The following KRIT1 variants were observed in gnomAD, a reference collection of about 807,000 sequenced individuals.
The protein encoded by KRIT1 is KRIT1 ankyrin repeat containing.
In KRIT1, 45 loss-of-function variants were observed where a neutral mutation model predicts 95.8. The ratio of observed to expected loss-of-function variants is 0.47; its 90% CI spans 0.37 to 0.60. The LOEUF (loss-of-function observed/expected upper bound fraction) is 0.60. Among genes scored for constraint, KRIT1 ranks in the 20% least tolerant of loss-of-function variants. The pLI is 0.00. For synonymous variants in KRIT1, 282 were observed against 278.8 expected (o/e 1.01, Z -0.11); for missense variants, 788 against 877.5 (o/e 0.90, Z 1.29).
At chr7:92,241,180 G>A in intron 4 of KRIT1, 28 bp from the exon 5 acceptor site, 1 of 1,542,546 alleles carries the variant, frequency 6.5e-7, no homozygotes. Flanking sequence ...TTAAGAGAAA[G>A]CTTAAAATAA....
At chr7:92,221,064 C>T (rs1000131072) in intron 14 of KRIT1, among the ~76,000 whole-genome samples, 2 of 152,210 alleles carry the variant, frequency 1.3e-5, no homozygotes, top group African/African-American at 4.8e-5. Flanking sequence ...ATATACTTGT[C>T]TAGACAGACT....
In KRIT1 at chr7:92,237,654, A is replaced by T. The variant is rs747276987; in HGVS notation, c.355+13T>A. The T allele has an allele frequency of 5.4e-6, 8 of 1,487,208 alleles. No homozygotes were observed. The highest frequency in any genetic ancestry group is 1.7e-4 in the Middle Eastern group (1 of 5,820). 92.1% of individuals were successfully genotyped at this position (1,487,208 alleles called of 1,614,324 possible). A position where few individuals can be genotyped will look rare whatever the true frequency, so the allele number is the denominator to read the frequency against. On this transcript the variant is annotated intron_variant, in intron 6 of 18. Coordinates refer to ENST00000394505, the MANE Select transcript of KRIT1 (RefSeq NM_194454.3). ...AAGTATATAAAGATTTGTAAGATAC[A>T]TTTAGACTTTACCTTTGACAACTGA...
At chr7:92,217,636 A>C (rs1048030030) in intron 14 of KRIT1, among the ~76,000 whole-genome samples, 1 of 152,212 alleles carries the variant, frequency 6.6e-6, no homozygotes, top group African/African-American at 2.4e-5. Flanking sequence ...CTACTTGTAT[A>C]TATAGATCAC....
chr7:92,221,810 A>G, intron 14 of KRIT1, 92 bp downstream of exon 14: 1 of 1,025,846 alleles, frequency 9.7e-7, no homozygotes, highest in African/African-American at 1.6e-5. Flanking sequence ...CGATTTAAGG[A>G]TGTAAGCACA....
chr7:92,202,210 C>T (rs1403340526), intron 17 of KRIT1: 3 of 152,090 alleles, frequency 2.0e-5, no homozygotes, highest in South Asian at 4.1e-4. Flanking sequence ...AAATTACTAA[C>T]ATACCTTTCA....
chr7:92,240,170 TG>T (rs1394547027), intron 5 of KRIT1, among the ~76,000 whole-genome samples: 2 of 152,190 alleles, frequency 1.3e-5, no homozygotes, highest in African/African-American at 2.4e-5. Context: ...AGCTCAGTTA[TG>T]TATCTCTAGA....
chr7:92,215,267 T>C (rs1793716740), intron 14 of KRIT1, among the ~76,000 whole-genome samples: 1 of 152,160 alleles, frequency 6.6e-6, no homozygotes, highest in Admixed American at 6.5e-5. Flanking sequence ...TAGCAAAATT[T>C]TACCTAAATT....
chr7:92,222,959 T>A lies in KRIT1; in HGVS notation c.1274A>T (p.Tyr425Phe), dbSNP rs756523133. The A allele has an allele frequency of 1.2e-6, 2 of 1,610,214 alleles. No homozygotes were observed. The highest frequency in any genetic ancestry group is 2.2e-5 in the South Asian group (2 of 90,994). The part of the protein sequence containing the change: ...INKPYEKVRI[Y>F]RMDGSYRSVE... ...AGAACGATATGACCCATCCATTCTG[T>A]ATATTCGAACTTTTTCATACTACAA... The change falls in exon 13 of 19, where the codon TAC becomes TTC. Residue 425 changes from tyrosine (Y) to phenylalanine (F), a missense_variant. Physicochemically the swap from Tyr to Phe is conservative, Grantham distance 22. This residue lies in a region of KRIT1 where 493 missense variants were observed against 582.3 expected (regional missense o/e 0.85). Transcript: ENST00000394505.
At chr7:92,241,912 C>A in intron 4 of KRIT1, 122 bp downstream of exon 4, 1 of 644,488 alleles carries the variant, frequency 1.6e-6, no homozygotes, top group South Asian at 1.9e-5. Context: ...AAATAATGGG[C>A]AGAGACCTAA....
intron 17 of KRIT1, chr7:92,201,698 CT>C (rs757905479): frequency 1.2e-4 from 42 of 358,790 alleles, no homozygotes; most frequent in Middle Eastern, 9.3e-4. Context: ...CCCCTACCCC[CT>C]GAGAGACCCC....
chr7:92,236,932 G>A (rs907225434), intron 6 of KRIT1, among the ~76,000 whole-genome samples: 1 of 152,174 alleles, frequency 6.6e-6, no homozygotes, highest in Admixed American at 6.5e-5. Flanking sequence ...CTGATGGGAT[G>A]TCCATGGTGG....
At chr7:92,241,504 A>G (rs1799633042) in intron 4 of KRIT1, among the ~76,000 whole-genome samples, 1 of 152,200 alleles carries the variant, frequency 6.6e-6, no homozygotes, top group Admixed American at 6.5e-5. Context: ...AATTAGAAGT[A>G]TTTCATATTG....
At chr7:92,215,950 CCA>C (rs1039727035) in intron 14 of KRIT1, among the ~76,000 whole-genome samples, 5 of 151,948 alleles carry the variant, frequency 3.3e-5, no homozygotes, top group African/African-American at 1.2e-4. Context: ...ATTTTTGCGG[CCA>C]GGCACGGTGG....
intron 10 of KRIT1, among the ~76,000 whole-genome samples, chr7:92,231,415 T>C (rs1292245171): frequency 6.6e-6 from 1 of 152,134 alleles, no homozygotes. Flanking sequence ...TTAATCCACA[T>C]AAACAAAAAC....
intron 14 of KRIT1, among the ~76,000 whole-genome samples, chr7:92,220,262 T>C (rs1030406511): frequency 2.0e-5 from 3 of 152,208 alleles, no homozygotes; most frequent in Non-Finnish European, 4.4e-5. Flanking sequence ...GTCAAATGCC[T>C]TTCTGCATCA....
chr7:92,202,898 T>C (rs374491741), intron 17 of KRIT1, among the ~76,000 whole-genome samples: 60 of 152,324 alleles, frequency 3.9e-4, no homozygotes, highest in African/African-American at 1.4e-3. Flanking sequence ...TAGCTACTTA[T>C]CAAGGTACAG....
intron 14 of KRIT1, among the ~76,000 whole-genome samples, chr7:92,215,450 A>G (rs1793763467): frequency 6.6e-6 from 1 of 152,176 alleles, no homozygotes; most frequent in Non-Finnish European, 1.5e-5. Context: ...TCAAATATTA[A>G]TAATATTCAA....
At chr7:92,237,626 C>T (rs745925253) in intron 6 of KRIT1, 41 bp downstream of exon 6, 1 of 1,174,388 alleles carries the variant, frequency 8.5e-7, no homozygotes, top group East Asian at 2.3e-5. Flanking sequence ...TACTTAGCAT[C>T]TAAAGTATAT....
Position 92,213,290 on chromosome 7 carries a change from T to C in KRIT1, c.1930A>G (p.Ile644Val). The change falls in exon 17 of 19, where the codon ATA becomes GTA. Residue 644 changes from isoleucine to valine, a missense_variant. By Grantham distance (29) the Ile-to-Val change is conservative (BLOSUM62 3). Around this residue, in one of 3 missense-constraint regions of KRIT1, gnomAD observed 493 missense variants for 582.3 expected, o/e 0.85. Transcript: ENST00000394505. ...TYGAAFFTGQIFTKASPSNHK... is the reference protein window; with the variant it reads ...TYGAAFFTGQVFTKASPSNHK... ...TTGCTGGGGCTTGCCTTTGTAAATA[T>C]CTGTCCTGTGAAAAATGCTGCTCCA... 1 of 1,613,496 alleles carries C rather than the reference T, an allele frequency of 6.2e-7. No homozygotes were observed. Among genetic ancestry groups the C allele is most frequent in the Non-Finnish European group, 8.5e-7 (1 of 1,179,476 alleles).
Sources: gnomAD v4.1 joint callset for allele counts (sites outside exome capture counted in the v4.1 genomes callset) on GRCh38, gnomAD v4.1.1 for gene constraint, gnomAD v4.1.1 regional missense constraint, MANE v1.5 for transcripts, NCBI Gene and HGNC (gene_info 2026-07-23, HGNC 2026-07-21) for gene names.